SYT16: variants seen among roughly 807,000 people sequenced by gnomAD.
The protein encoded by SYT16 is synaptotagmin-16.
A neutral mutation model predicts 61.4 loss-of-function variants in SYT16; 42 were observed. The observed-to-expected ratio is 0.68, with a 90% CI of 0.53 to 0.89. The LOEUF is 0.89. Ranked by LOEUF, SYT16 falls within the 40% of genes least tolerant of loss-of-function variation. SYT16 has a pLI of 0.00. For synonymous variants in SYT16, 314 were observed against 302.3 expected, an observed-to-expected ratio of 1.04 and a Z score of -0.40; for missense variants, 804 against 807.3, an observed-to-expected ratio of 1.00 and a Z score of 0.05.
intron 7 of SYT16, among the ~76,000 whole-genome samples, chr14:62,099,801 C>G (rs994141827): frequency 2.0e-5 from 3 of 152,076 alleles, no homozygotes; most frequent in Non-Finnish European, 4.4e-5. Context: ...TCGCTTTGGG[C>G]CCAGAAGTCA....
intron 1 of SYT16, among the ~76,000 whole-genome samples, chr14:61,854,903 C>T (rs1032573003): frequency 6.6e-6 from 1 of 152,062 alleles, no homozygotes; most frequent in Non-Finnish European, 1.5e-5. Context: ...CCACCACTCC[C>T]ACCCTGCCTC....
chr14:61,884,391 C>T (rs2047815627), intron 1 of SYT16, among the ~76,000 whole-genome samples: 1 of 152,158 alleles, frequency 6.6e-6, no homozygotes. Flanking sequence ...ATTACGTCGC[C>T]TCCTTTCTTA....
chr14:61,975,975 G>A (rs1432737215), intron 2 of SYT16, among the ~76,000 whole-genome samples: 2 of 152,180 alleles, frequency 1.3e-5, no homozygotes, highest in East Asian at 1.9e-4. Context: ...AAAATCAAAA[G>A]CAAGTTGGTT....
intron 1 of SYT16, among the ~76,000 whole-genome samples, chr14:61,941,662 A>C (rs2050216091): frequency 6.6e-6 from 1 of 152,070 alleles, no homozygotes; most frequent in South Asian, 2.1e-4. Flanking sequence ...GTCAAGTGGA[A>C]TCTCTCTTTT....
intron 1 of SYT16, among the ~76,000 whole-genome samples, chr14:61,852,199 T>G (rs947853083): frequency 4.6e-5 from 7 of 152,058 alleles, no homozygotes; most frequent in Admixed American, 2.0e-4. Context: ...GCTTTTTTTT[T>G]GTCAGATTTG....
At chr14:62,044,697 A>G (rs185640827) in intron 3 of SYT16, among the ~76,000 whole-genome samples, 6 of 152,128 alleles carry the variant, frequency 3.9e-5, no homozygotes, top group African/African-American at 1.4e-4. Context: ...TATCCTGTCT[A>G]TCATTGATGG....
At chr14:61,862,970 G>A (rs562017151) in intron 1 of SYT16, among the ~76,000 whole-genome samples, 9 of 152,176 alleles carry the variant, frequency 5.9e-5, no homozygotes, top group East Asian at 3.9e-4. Context: ...TTTTAGCACC[G>A]AATAATGTTC....
intron 3 of SYT16, 36 bp downstream of exon 3, chr14:61,996,578 C>A (rs773648307): frequency 9.1e-6 from 14 of 1,542,818 alleles, no homozygotes; most frequent in Non-Finnish European, 1.2e-5. Context: ...CTGCGTTCCT[C>A]CAAAGAGCAT....
chr14:61,891,250 A>ACGCG lies in SYT16; in HGVS notation c.-325+78441_-325+78442insGCGC, dbSNP rs1488460872. ...CGTGCATACACACACGCGCACACAC[A>ACGCG]CACACACACACACACACACACAATT... On this transcript the variant is annotated intron_variant, in intron 1 of 7. Transcript: ENST00000683842. 9.2e-5 allele frequency among the ~76,000 whole-genome samples: 14 copies of ACGCG among 151,496 alleles called. No homozygotes were observed. The South Asian group carries it at 2.1e-3, about 23-fold the overall frequency.
At chr14:62,060,504 T>C (rs2055778347) in intron 3 of SYT16, among the ~76,000 whole-genome samples, 1 of 120,252 alleles carries the variant, frequency 8.3e-6, no homozygotes. Context: ...ATCCATAGGA[T>C]GGTGAAATTT....
chr14:61,861,469 G>A (rs2046960891), intron 1 of SYT16, among the ~76,000 whole-genome samples: 1 of 152,136 alleles, frequency 6.6e-6, no homozygotes, highest in Non-Finnish European at 1.5e-5. Flanking sequence ...CTGGAGTGCA[G>A]TGCAAACATG....
At chr14:62,027,546 T>G (rs556819292) in intron 3 of SYT16, among the ~76,000 whole-genome samples, 1 of 152,346 alleles carries the variant, frequency 6.6e-6, no homozygotes, top group East Asian at 1.9e-4. Flanking sequence ...CTTCTCTCAC[T>G]AGATATTCCA....
At chr14:61,955,980 CTCTT>C (rs1411539811) in intron 1 of SYT16, among the ~76,000 whole-genome samples, 3 of 151,726 alleles carry the variant, frequency 2.0e-5, no homozygotes, top group African/African-American at 7.2e-5. Context: ...TTTTCGCTTT[CTCTT>C]TCTTTCATAA....
At chr14:61,828,937 C>G (rs1404117824) in intron 1 of SYT16, among the ~76,000 whole-genome samples, 1 of 152,180 alleles carries the variant, frequency 6.6e-6, no homozygotes, top group African/African-American at 2.4e-5. Context: ...CCACCACCAA[C>G]TGGACCAGGA....
At chr14:61,821,020 A>G (rs1475972519) in intron 1 of SYT16, among the ~76,000 whole-genome samples, 1 of 151,894 alleles carries the variant, frequency 6.6e-6, no homozygotes, top group African/African-American at 2.4e-5. Context: ...CTCTTGCTCT[A>G]ACTCCCCATA....
chr14:61,835,605 G>A (rs1026590760), intron 1 of SYT16, among the ~76,000 whole-genome samples: 15 of 151,430 alleles, frequency 9.9e-5, no homozygotes, highest in African/African-American at 3.2e-4. Context: ...ACCTTTTTAT[G>A]GCCATTTAGG....
At chr14:61,994,671 A>G (rs1431586128) in intron 2 of SYT16, among the ~76,000 whole-genome samples, 1 of 152,170 alleles carries the variant, frequency 6.6e-6, no homozygotes, top group African/African-American at 2.4e-5. Context: ...AGAGCGACAC[A>G]TGAATTATTC....
intron 1 of SYT16, among the ~76,000 whole-genome samples, chr14:61,822,767 C>G (rs1460545698): frequency 6.6e-6 from 1 of 152,072 alleles, no homozygotes; most frequent in African/African-American, 2.4e-5. Flanking sequence ...CTCAAATTGT[C>G]TCATTTTTGG....
chr14:61,817,432 A>AG (rs1056476772), intron 1 of SYT16, among the ~76,000 whole-genome samples: 1 of 152,084 alleles, frequency 6.6e-6, no homozygotes, highest in African/African-American at 2.4e-5. Context: ...AAAAAAAAAA[A>AG]AAAAGAATAA....
Sources: allele counts gnomAD v4.1 joint callset (sites outside exome capture counted in the v4.1 genomes callset), GRCh38; gene constraint gnomAD v4.1.1; transcripts MANE v1.5; gene names NCBI Gene and HGNC (gene_info 2026-07-23, HGNC 2026-07-21).